TOX2: variants seen among roughly 807,000 people sequenced by gnomAD.
TOX2 encodes the protein granulosa cell HMG box 1.
In TOX2, 15 loss-of-function variants were observed where a neutral mutation model predicts 47.4. That is an observed-to-expected ratio of 0.32 (90% CI 0.21 to 0.49). The LOEUF is 0.49. Among genes scored for constraint, TOX2 ranks in the 20% least tolerant of loss-of-function variants. The probability of loss-of-function intolerance (pLI) is 0.99; values close to 1 mark genes in which losing one functional copy is unlikely to be tolerated. For missense variants in TOX2, 622 were observed against 673.1 expected (o/e 0.92, Z 0.84); for synonymous variants, 290 against 296.6 (o/e 0.98, Z 0.23).
Position 44,069,153 on chromosome 20 carries a change from G to A in TOX2, c.*467G>A, listed in dbSNP as rs1341972177. 15 of 346,972 alleles carry A rather than the reference G, an allele frequency of 4.3e-5. No individual in the cohort carries two copies. Among genetic ancestry groups the A allele is most frequent in the South Asian group, 1.3e-4 (6 of 44,732 alleles). 21.5% of individuals were successfully genotyped at this position (346,972 alleles called of 1,614,324 possible). Reference sequence around the variant, plus strand: ...ACGAAACCTAGAAACTGTTGGTTCCGTGTAAGTAGTTGACTACGTGTTTTA... The same window carrying A: ...ACGAAACCTAGAAACTGTTGGTTCCATGTAAGTAGTTGACTACGTGTTTTA... On this transcript the variant is annotated 3_prime_UTR_variant, in exon 9 of 9. Transcript: ENST00000341197.
At chr20:43,966,500 G>A (rs1399030099) in intron 1 of TOX2, among the ~76,000 whole-genome samples, 1 of 152,134 alleles carries the variant, frequency 6.6e-6, no homozygotes, top group Non-Finnish European at 1.5e-5. Context: ...GCTCATGCCT[G>A]TAATCCCAGC....
chr20:43,977,627 C>G (rs965750397), intron 2 of TOX2, among the ~76,000 whole-genome samples: 10 of 151,882 alleles, frequency 6.6e-5, no homozygotes, highest in Non-Finnish European at 1.0e-4. Flanking sequence ...TTGCAAGACT[C>G]CACATAAATT....
chr20:43,927,496 CA>C (rs2069184191), intron 1 of TOX2, among the ~76,000 whole-genome samples: 2 of 128,722 alleles, frequency 1.6e-5, no homozygotes, highest in African/African-American at 6.1e-5. Context: ...CACACACACA[CA>C]CACACACACA....
intron 2 of TOX2, among the ~76,000 whole-genome samples, chr20:43,985,088 C>A (rs189039104): frequency 1.2e-4 from 19 of 152,300 alleles, no homozygotes; most frequent in Non-Finnish European, 2.4e-4. Context: ...GGGTTCTTAT[C>A]TTCTGGAGGG....
At chr20:44,029,905 T>C (rs958921706) in intron 3 of TOX2, among the ~76,000 whole-genome samples, 1 of 152,200 alleles carries the variant, frequency 6.6e-6, no homozygotes, top group Admixed American at 6.5e-5. Flanking sequence ...CCAAACCCAT[T>C]GGGCACCTGC....
In TOX2 at chr20:43,933,133, A is replaced by G. The variant is rs537028080; in HGVS notation, c.99+18143A>G. On this transcript the variant is annotated intron_variant, in intron 1 of 8. Transcript: ENST00000341197. The stretch of plus-strand genomic sequence containing the variant: ...AAAGTTGGGCATCACACTCACCTGG[A>G]GCAAAGGGGACCACGTTGACCCCCA... Among the ~76,000 whole-genome samples, 7 of 152,308 alleles carry G rather than the reference A, an allele frequency of 4.6e-5. No homozygotes were observed. In the East Asian group the frequency reaches 1.4e-3, roughly 29 times the overall value.
At chr20:43,987,030 C>T (rs2070279924) in intron 2 of TOX2, among the ~76,000 whole-genome samples, 2 of 152,288 alleles carry the variant, frequency 1.3e-5, no homozygotes, top group South Asian at 4.1e-4. Context: ...CTCCATTGCA[C>T]TCTAGCCTTG....
At chr20:43,918,053 C>A (rs576179681) in intron 1 of TOX2, among the ~76,000 whole-genome samples, 1 of 53,950 alleles carries the variant, frequency 1.9e-5, no homozygotes. Flanking sequence ...AGGTTTGACT[C>A]CCAGCAGGAC....
chr20:43,993,189 A>G lies in TOX2; in HGVS notation c.166-13358A>G, dbSNP rs184552236. ...CTTTGCAGGCTACAGAGAGGGTTTC[A>G]CACACACTGTATCCTGAGCGTAGAG... On this transcript the variant is annotated intron_variant, in intron 2 of 8. Transcript: ENST00000341197. Among the ~76,000 whole-genome samples, 563 of 148,576 alleles carry G rather than the reference A, an allele frequency of 3.8e-3. 4 individuals are homozygous for G. Among genetic ancestry groups the G allele is most frequent in the African/African-American group, 0.013 (527 of 39,316 alleles).
At chr20:44,003,213 G>A (rs1035874868) in intron 2 of TOX2, among the ~76,000 whole-genome samples, 9 of 147,996 alleles carry the variant, frequency 6.1e-5, no homozygotes, top group African/African-American at 1.8e-4. Context: ...TTAAGATGAG[G>A]TCTCCCTCTG....
At chr20:43,948,392 C>T (rs1166605717) in intron 1 of TOX2, among the ~76,000 whole-genome samples, 2 of 152,224 alleles carry the variant, frequency 1.3e-5, no homozygotes, top group African/African-American at 4.8e-5. Context: ...TGCTCTTCCA[C>T]TGTGTTGGAA....
At position 44,051,221 on chromosome 20, in the gene TOX2, C is replaced by T. The variant is rs147235286; in HGVS notation, c.412-85C>T. ...GCACCCATCACTTCTCCTCTGCATT[C>T]CCTCCTCTAAGTCCGCTAGCACAGA... On this transcript the variant is annotated intron_variant, in intron 3 of 8. Transcript: ENST00000341197. 3,135 of 1,510,728 alleles carry T rather than the reference C, an allele frequency of 2.1e-3. 2 individuals are homozygous for T. Among genetic ancestry groups the T allele is most frequent in the Admixed American group, 2.7e-3 (127 of 46,446 alleles). 93.6% of individuals were successfully genotyped at this position (1,510,728 alleles called of 1,614,324 possible). A position where few individuals can be genotyped will look rare whatever the true frequency, so the allele number is the denominator to read the frequency against.
In TOX2 at chr20:44,064,785, G is replaced by C. The variant is rs1481536431; in HGVS notation, c.888G>C (p.Lys296Asn). The C allele has an allele frequency of 1.2e-6, 2 of 1,614,152 alleles. No homozygotes were observed. The highest frequency in any genetic ancestry group is 8.5e-7 in the Non-Finnish European group (1 of 1,180,018). ...SLGEEQKQAY[K>N]RKTEAAKKEY... ...TGTGTTGACTCTTCCAGGCCTACAA[G>C]AGGAAGACAGAAGCAGCAAAGAAGG... The change falls in exon 6 of 9, where the codon AAG becomes AAC. Residue 296 changes from lysine (K) to asparagine (N), a missense_variant. Physicochemically the swap from Lys to Asn is moderately conservative, Grantham distance 94. Transcript: ENST00000341197.
At chr20:43,963,079 T>C (rs2069789375) in intron 1 of TOX2, among the ~76,000 whole-genome samples, 1 of 152,078 alleles carries the variant, frequency 6.6e-6, no homozygotes, top group Admixed American at 6.6e-5. Flanking sequence ...CTAGGCACAA[T>C]TCAAGTGCTC....
intron 1 of TOX2, among the ~76,000 whole-genome samples, chr20:43,931,431 C>T (rs1339033955): frequency 5.3e-5 from 8 of 152,198 alleles, no homozygotes; most frequent in African/African-American, 9.6e-5. Flanking sequence ...CACCACGCCT[C>T]GCTAAACATA....
intron 3 of TOX2, among the ~76,000 whole-genome samples, chr20:44,011,032 G>C (rs565250505): frequency 3.3e-5 from 5 of 152,178 alleles, no homozygotes; most frequent in African/African-American, 1.2e-4. Context: ...GCATCATTCT[G>C]ATCTCTGCCT....
chr20:43,940,442 T>C (rs1453958033), intron 1 of TOX2, among the ~76,000 whole-genome samples: 1 of 151,780 alleles, frequency 6.6e-6, no homozygotes, highest in East Asian at 1.9e-4. Context: ...CAGGCTGCTC[T>C]TGAATTCCTG....
At chr20:43,925,527 CA>C (rs1177626265) in intron 1 of TOX2, among the ~76,000 whole-genome samples, 2 of 152,176 alleles carry the variant, frequency 1.3e-5, no homozygotes, top group Non-Finnish European at 2.9e-5. Context: ...TTTCTCATTT[CA>C]ATTAGAGAAT....
At chr20:43,993,314 G>A (rs569501537) in intron 2 of TOX2, among the ~76,000 whole-genome samples, 37 of 152,322 alleles carry the variant, frequency 2.4e-4, no homozygotes, top group Non-Finnish European at 4.4e-4. Context: ...TAGAAGTTAG[G>A]AGATCATTGA....
Sources: gnomAD v4.1 joint callset for allele counts (sites outside exome capture counted in the v4.1 genomes callset) on GRCh38, gnomAD v4.1.1 for gene constraint, MANE v1.5 for transcripts, NCBI Gene and HGNC (gene_info 2026-07-23, HGNC 2026-07-21) for gene names.